Variants in RBFOX1 observed in about 807,000 individuals in gnomAD.
RBFOX1 encodes RNA binding fox-1 homolog 1.
A neutral mutation model predicts 57.7 loss-of-function variants in RBFOX1; 8 were observed. That is an observed-to-expected ratio of 0.14 (90% CI 0.08 to 0.25). The LOEUF (loss-of-function observed/expected upper bound fraction) is 0.25. RBFOX1 is among the 10% of genes least tolerant of loss of function. The pLI is 1.00. For missense variants in RBFOX1, 611 were observed against 548.5 expected (o/e 1.11, Z -1.14); for synonymous variants, 326 against 222.4 (o/e 1.47, Z -4.15).
intron 1 of RBFOX1, among the ~76,000 whole-genome samples, chr16:5,370,140 T>C (rs1383674037): frequency 6.6e-6 from 1 of 152,144 alleles, no homozygotes; most frequent in Non-Finnish European, 1.5e-5. Context: ...ATGTTCAGTC[T>C]CTTTTTGGAG....
intron 4 of RBFOX1, among the ~76,000 whole-genome samples, chr16:5,967,950 C>G (rs937893510): frequency 1.3e-5 from 2 of 152,154 alleles, no homozygotes; most frequent in South Asian, 4.1e-4. Context: ...TCTCCATTGT[C>G]AGATCATATA....
At chr16:7,002,312 C>G (rs376022503) in intron 3 of RBFOX1, among the ~76,000 whole-genome samples, 4 of 152,182 alleles carry the variant, frequency 2.6e-5, no homozygotes, top group African/African-American at 9.7e-5. Flanking sequence ...TTTCTTGTAT[C>G]CTCTAAAGCT....
chr16:6,012,574 C>G (rs994466206), intron 4 of RBFOX1, among the ~76,000 whole-genome samples: 1 of 152,198 alleles, frequency 6.6e-6, no homozygotes, highest in African/African-American at 2.4e-5. Flanking sequence ...GTCAGTAGTG[C>G]TAAGTTTAAG....
intron 4 of RBFOX1, among the ~76,000 whole-genome samples, chr16:5,959,148 G>C (rs2059702261): frequency 6.6e-6 from 1 of 152,198 alleles, no homozygotes; most frequent in Admixed American, 6.5e-5. Flanking sequence ...AGGACAGACT[G>C]CCCATCCTGT....
chr16:6,557,070 T>TAC (rs1567672487), intron 2 of RBFOX1, among the ~76,000 whole-genome samples: 5 of 145,854 alleles, frequency 3.4e-5, no homozygotes, highest in Non-Finnish European at 6.0e-5. Context: ...TATACATACA[T>TAC]ATATACATAT....
intron 3 of RBFOX1, among the ~76,000 whole-genome samples, chr16:6,968,024 A>C (rs1374527387): frequency 1.3e-5 from 2 of 152,186 alleles, no homozygotes; most frequent in African/African-American, 2.4e-5. Context: ...TCTTGTAAGG[A>C]AGCCATGTGG....
At chr16:5,341,832 T>G (rs1411323517) in intron 1 of RBFOX1, among the ~76,000 whole-genome samples, 1 of 152,052 alleles carries the variant, frequency 6.6e-6, no homozygotes, top group African/African-American at 2.4e-5. Context: ...TCGGACCATG[T>G]TAAGTTTGAG....
At chr16:6,619,381 C>T (rs1269868110) in intron 2 of RBFOX1, among the ~76,000 whole-genome samples, 1 of 152,158 alleles carries the variant, frequency 6.6e-6, no homozygotes, top group Non-Finnish European at 1.5e-5. Context: ...ATGCCAAGCC[C>T]CACATAAAAG....
At chr16:7,516,651 C>G (rs989137448) in intron 4 of RBFOX1, among the ~76,000 whole-genome samples, 23 of 152,184 alleles carry the variant, frequency 1.5e-4, no homozygotes, top group Admixed American at 9.8e-4. Context: ...CCTTTTGTTT[C>G]CAGTGGCACA....
intron 1 of RBFOX1, among the ~76,000 whole-genome samples, chr16:5,318,709 C>T (rs548487018): frequency 6.6e-6 from 1 of 152,148 alleles, no homozygotes; most frequent in Non-Finnish European, 1.5e-5. Flanking sequence ...ACACTTTGTC[C>T]CAGTTATCCA....
At chr16:7,587,408 T>A (rs1392778220) in intron 7 of RBFOX1, 108 bp downstream of exon 7, 2 of 1,180,316 alleles carry the variant, frequency 1.7e-6, no homozygotes, top group African/African-American at 3.1e-5. Flanking sequence ...GAAAATACAC[T>A]TCAGTGGGAA....
At chr16:6,045,395 C>T (rs1418977302) in intron 1 of RBFOX1, among the ~76,000 whole-genome samples, 2 of 152,098 alleles carry the variant, frequency 1.3e-5, no homozygotes, top group Non-Finnish European at 2.9e-5. Flanking sequence ...AATTTGTAGT[C>T]TAATTTGGAT....
intron 5 of RBFOX1, among the ~76,000 whole-genome samples, chr16:7,533,360 C>T (rs945129094): frequency 6.6e-6 from 1 of 152,072 alleles, no homozygotes; most frequent in Non-Finnish European, 1.5e-5. Flanking sequence ...ATCAGAAATA[C>T]AACATTTTCT....
At chr16:7,550,369 T>C (rs1259168078) in intron 5 of RBFOX1, among the ~76,000 whole-genome samples, 3 of 152,006 alleles carry the variant, frequency 2.0e-5, no homozygotes, top group Non-Finnish European at 4.4e-5. Flanking sequence ...TCTGGGGCTA[T>C]AGAGGCAGCT....
intron 3 of RBFOX1, among the ~76,000 whole-genome samples, chr16:5,820,841 A>G (rs1156261170): frequency 6.6e-6 from 1 of 152,108 alleles, no homozygotes; most frequent in Non-Finnish European, 1.5e-5. Flanking sequence ...GCAATTTCTT[A>G]GAGGAAATTT....
In RBFOX1 at chr16:7,697,452, A is replaced by C. The variant is rs780240220; in HGVS notation, c.996-11604A>C. ...TGTTGAGGGCTTTGCTGAACTCTCC[A>C]AGGTGTAATAGTAACTTACTGTCAT... On this transcript the variant is annotated intron_variant, in intron 14 of 15. Coordinates refer to ENST00000550418, the MANE Select transcript of RBFOX1 (RefSeq NM_018723.4). Among the ~76,000 whole-genome samples the C allele has an allele frequency of 2.0e-4, 30 of 152,162 alleles. 1 individual carries two copies. The highest frequency in any genetic ancestry group is 1.3e-4 in the Admixed American group (2 of 15,268).
intron 3 of RBFOX1, among the ~76,000 whole-genome samples, chr16:6,886,800 A>G (rs185599134): frequency 6.6e-6 from 1 of 152,058 alleles, no homozygotes; most frequent in East Asian, 1.9e-4. Context: ...AAAACCAGAA[A>G]AAAAAAGAAT....
At chr16:6,436,012 T>G (rs936414760) in intron 2 of RBFOX1, among the ~76,000 whole-genome samples, 2 of 152,148 alleles carry the variant, frequency 1.3e-5, no homozygotes, top group African/African-American at 4.8e-5. Flanking sequence ...GGGCAAAAGT[T>G]AAAAGTCAAG....
chr16:6,465,064 T>C (rs1347458109), intron 2 of RBFOX1, among the ~76,000 whole-genome samples: 1 of 152,238 alleles, frequency 6.6e-6, no homozygotes, highest in Non-Finnish European at 1.5e-5. Context: ...ACACAGTATA[T>C]ATAAGCCCTG....
Sources: allele counts gnomAD v4.1 joint callset (sites outside exome capture counted in the v4.1 genomes callset), GRCh38; gene constraint gnomAD v4.1.1; transcripts MANE v1.5; gene names NCBI Gene and HGNC (gene_info 2026-07-23, HGNC 2026-07-21).